RORA: variants seen among roughly 807,000 people sequenced by gnomAD.
RORA encodes nuclear receptor ROR-alpha.
In RORA, 7 loss-of-function variants were observed where a neutral mutation model predicts 69.5. That is an observed-to-expected ratio of 0.10 (90% CI 0.06 to 0.19). RORA has a LOEUF of 0.19. RORA is among the 10% of genes least tolerant of loss of function. RORA has a pLI of 1.00. For synonymous variants in RORA, 261 were observed against 240.8 expected (o/e 1.08, Z -0.78); for missense variants, 457 against 663.0 (o/e 0.69, Z 3.41).
At chr15:61,014,629 T>C (rs1895216740) in intron 1 of RORA, among the ~76,000 whole-genome samples, 1 of 152,224 alleles carries the variant, frequency 6.6e-6, no homozygotes, top group Non-Finnish European at 1.5e-5. Flanking sequence ...GTCATAAGGC[T>C]AGCTGTCTAA....
chr15:60,983,940 C>A (rs4775341), intron 1 of RORA, among the ~76,000 whole-genome samples: 32,640 of 152,024 alleles, frequency 0.21, 3,757 homozygotes, highest in African/African-American at 0.28. Flanking sequence ...CAGAATTTGG[C>A]ACTTTTTGTA....
intron 1 of RORA, 70 bp downstream of exon 1, chr15:61,228,983 C>T: frequency 1.1e-6 from 1 of 871,374 alleles, no homozygotes; most frequent in Non-Finnish European, 1.4e-6. Flanking sequence ...CGGGCGCCCG[C>T]TCCCGGCCGC....
chr15:60,922,576 C>T (rs1312625418), intron 1 of RORA, among the ~76,000 whole-genome samples: 3 of 152,216 alleles, frequency 2.0e-5, no homozygotes, highest in Non-Finnish European at 4.4e-5. Context: ...TATATTTTCA[C>T]AACTGTTTTG....
intron 1 of RORA, among the ~76,000 whole-genome samples, chr15:60,738,634 T>C (rs777497112): frequency 2.5e-4 from 38 of 152,270 alleles, no homozygotes; most frequent in Non-Finnish European, 5.0e-4. Context: ...TTCATTTTTG[T>C]CCTTCTGATT....
chr15:61,135,780 A>T (rs1041784656), intron 1 of RORA, among the ~76,000 whole-genome samples: 1 of 152,176 alleles, frequency 6.6e-6, no homozygotes, highest in Non-Finnish European at 1.5e-5. Context: ...TCTAACAGAC[A>T]CCGAGCATCA....
chr15:60,540,574 C>CCCCCACCG (rs1555428642), intron 2 of RORA, among the ~76,000 whole-genome samples: 1 of 102,646 alleles, frequency 9.7e-6, no homozygotes, highest in Non-Finnish European at 1.9e-5. Flanking sequence ...ACCCCCCCCC[C>CCCCCACCG]CCAAAACTGT....
intron 2 of RORA, among the ~76,000 whole-genome samples, chr15:60,566,764 G>A (rs1414680166): frequency 3.3e-5 from 5 of 152,188 alleles, no homozygotes; most frequent in Admixed American, 6.5e-5. Flanking sequence ...TGCGATGGGA[G>A]TGAAGAAAAG....
intron 3 of RORA, among the ~76,000 whole-genome samples, chr15:60,514,969 C>T (rs2065815705): frequency 6.6e-6 from 1 of 152,170 alleles, no homozygotes. Flanking sequence ...TCCCTTATAC[C>T]TGCAAAACTT....
In RORA at chr15:60,791,268, C is replaced by T. The variant is rs117457422; in HGVS notation, c.167-112582G>A. On this transcript the variant is annotated intron_variant, in intron 1 of 10. Coordinates refer to ENST00000335670, the MANE Select transcript of RORA (RefSeq NM_134261.3). Reference sequence around the variant, plus strand: ...GTTCTGCCTCCCAGAGCTGTGTTAACGGAGACAAAGTGTTTTGAAATATCT... The same window carrying T: ...GTTCTGCCTCCCAGAGCTGTGTTAATGGAGACAAAGTGTTTTGAAATATCT... Among the ~76,000 whole-genome samples, 192 of 152,246 alleles carry T rather than the reference C, an allele frequency of 1.3e-3. No homozygotes were observed. In the East Asian group the frequency reaches 0.018, roughly 14 times the overall value.
chr15:60,669,335 GTTTT>G (rs74921622), intron 2 of RORA, among the ~76,000 whole-genome samples: 8 of 103,124 alleles, frequency 7.8e-5, no homozygotes, highest in African/African-American at 2.3e-4. Flanking sequence ...CCCAATAAGC[GTTTT>G]TTTGTTTGTT....
intron 1 of RORA, among the ~76,000 whole-genome samples, chr15:60,849,889 T>C (rs1369764823): frequency 6.6e-6 from 1 of 152,148 alleles, no homozygotes; most frequent in Non-Finnish European, 1.5e-5. Flanking sequence ...GAAGAATCTC[T>C]TCAGGGCTAG....
intron 3 of RORA, among the ~76,000 whole-genome samples, chr15:60,517,972 T>A (rs1434194704): frequency 6.6e-6 from 1 of 152,212 alleles, no homozygotes; most frequent in Non-Finnish European, 1.5e-5. Context: ...CTTTCTAGGC[T>A]CTTTTCCACC....
chr15:61,127,293 G>A (rs2079151768), intron 1 of RORA, among the ~76,000 whole-genome samples: 1 of 152,048 alleles, frequency 6.6e-6, no homozygotes, highest in African/African-American at 2.4e-5. Context: ...AATTTGCTTT[G>A]GAGAATGACA....
intron 1 of RORA, among the ~76,000 whole-genome samples, chr15:60,915,479 CAT>C (rs1452600866): frequency 2.0e-5 from 3 of 152,204 alleles, no homozygotes; most frequent in African/African-American, 7.2e-5. Flanking sequence ...TCTAAATTGA[CAT>C]GATTTGCCAG....
chr15:60,629,862 G>A (rs192037976), intron 2 of RORA, among the ~76,000 whole-genome samples: 50 of 152,308 alleles, frequency 3.3e-4, no homozygotes, highest in African/African-American at 1.1e-3. Context: ...CTATAGGAGC[G>A]TCTACATAAA....
At chr15:60,955,127 C>A (rs765074734) in intron 1 of RORA, among the ~76,000 whole-genome samples, 18 of 152,138 alleles carry the variant, frequency 1.2e-4, no homozygotes, top group Non-Finnish European at 2.1e-4. Flanking sequence ...CATGGTGAAA[C>A]CTCGCCTCTA....
intron 2 of RORA, among the ~76,000 whole-genome samples, chr15:60,598,725 A>G (rs1596038586): frequency 6.6e-6 from 1 of 152,192 alleles, no homozygotes; most frequent in Non-Finnish European, 1.5e-5. Context: ...TTTTACTACA[A>G]GGGGGTCAGC....
At chr15:60,918,021 C>T (rs1359416224) in intron 1 of RORA, among the ~76,000 whole-genome samples, 1 of 152,228 alleles carries the variant, frequency 6.6e-6, no homozygotes, top group African/African-American at 2.4e-5. Flanking sequence ...AGAGTTTATA[C>T]CATGTGTCCC....
rs1466142002 is a variant in RORA, at chr15:60,490,118, A to G, written c.*7337T>C. On this transcript the variant is annotated 3_prime_UTR_variant, in exon 11 of 11. Coordinates refer to ENST00000335670, the MANE Select transcript of RORA (RefSeq NM_134261.3). The surrounding 1 kb of genome is among the most constrained non-coding windows in gnomAD (Gnocchi z 4.1). ...ATTTAAAGAGAAAAGCATGTCCCAAATCCAGCACTCTGATACAGCTGCCAG... is the reference window on the plus strand; with the variant it reads ...ATTTAAAGAGAAAAGCATGTCCCAAGTCCAGCACTCTGATACAGCTGCCAG... The G allele has an allele frequency of 3.3e-5, 5 of 151,506 alleles. No individual in the cohort carries two copies. The highest frequency in any genetic ancestry group is 6.6e-5 in the Admixed American group (1 of 15,186). The allele number at this position is 151,506 out of a possible 1,614,324, so 9.4% of individuals were successfully genotyped here.
Sources: gnomAD v4.1 joint callset for allele counts (sites outside exome capture counted in the v4.1 genomes callset) on GRCh38, gnomAD v4.1.1 for gene constraint, Gnocchi (gnomAD v3.1) non-coding constraint, MANE v1.5 for transcripts, NCBI Gene and HGNC (gene_info 2026-07-23, HGNC 2026-07-21) for gene names.